Variants in SEMA5B observed in about 807,000 individuals in gnomAD.
The protein encoded by SEMA5B is semaphorin-5B.
A neutral mutation model predicts 135.0 loss-of-function variants in SEMA5B; 66 were observed. The observed-to-expected ratio is 0.49, with a 90% CI of 0.40 to 0.60. The LOEUF (loss-of-function observed/expected upper bound fraction) is 0.60. SEMA5B is among the 20% of genes least tolerant of loss of function. SEMA5B has a pLI of 0.00. For missense variants in SEMA5B, 1,501 were observed against 1,566.3 expected, an observed-to-expected ratio of 0.96 and a Z score of 0.70; for synonymous variants, 690 against 639.5, an observed-to-expected ratio of 1.08 and a Z score of -1.19.
intron 1 of SEMA5B, among the ~76,000 whole-genome samples, chr3:122,965,270 G>C (rs1473149348): frequency 6.6e-6 from 1 of 152,150 alleles, no homozygotes; most frequent in Non-Finnish European, 1.5e-5. Context: ...CATTGTCTTC[G>C]ATAATAAACT....
intron 1 of SEMA5B, among the ~76,000 whole-genome samples, chr3:123,018,735 T>C (rs1942614232): frequency 6.6e-6 from 1 of 152,200 alleles, no homozygotes; most frequent in African/African-American, 2.4e-5. Context: ...TTAAACAGTA[T>C]CTGATTTCCA....
At chr3:122,917,502 AG>A (rs1248912629) in intron 12 of SEMA5B, among the ~76,000 whole-genome samples, 5 of 152,166 alleles carry the variant, frequency 3.3e-5, no homozygotes, top group African/African-American at 1.2e-4. Flanking sequence ...CTTCAGGGAG[AG>A]TAACCTGTCA....
At chr3:122,980,771 C>A (rs1941499466) in intron 1 of SEMA5B, among the ~76,000 whole-genome samples, 1 of 152,194 alleles carries the variant, frequency 6.6e-6, no homozygotes, top group Non-Finnish European at 1.5e-5. Context: ...CTAGCACCTA[C>A]TCATTTTTCC....
intron 1 of SEMA5B, among the ~76,000 whole-genome samples, chr3:122,979,963 T>G (rs1404100830): frequency 6.6e-6 from 1 of 152,250 alleles, no homozygotes; most frequent in African/African-American, 2.4e-5. Flanking sequence ...CTACACTTAT[T>G]TGGGCCATAC....
At chr3:122,943,594 C>A in intron 3 of SEMA5B, 59 bp from the exon 4 acceptor site, 2 of 1,251,306 alleles carry the variant, frequency 1.6e-6, no homozygotes, top group Non-Finnish European at 1.2e-6. Context: ...CCAGCTGCAT[C>A]GCAGCAGACC....
At chr3:122,967,196 T>C (rs1940892705) in intron 1 of SEMA5B, among the ~76,000 whole-genome samples, 1 of 152,144 alleles carries the variant, frequency 6.6e-6, no homozygotes, top group Non-Finnish European at 1.5e-5. Flanking sequence ...TAAGAATGTT[T>C]ATTATAATAA....
chr3:123,025,426 G>A (rs1942775972), intron 1 of SEMA5B, among the ~76,000 whole-genome samples: 1 of 152,098 alleles, frequency 6.6e-6, no homozygotes, highest in Non-Finnish European at 1.5e-5. Context: ...AACCTCTCTG[G>A]GCATGGGCTC....
At chr3:122,964,129 T>C (rs1285530436) in intron 1 of SEMA5B, among the ~76,000 whole-genome samples, 1 of 152,228 alleles carries the variant, frequency 6.6e-6, no homozygotes, top group Non-Finnish European at 1.5e-5. Flanking sequence ...TCCCTTAACC[T>C]GCTCCTCCCA....
intron 5 of SEMA5B, among the ~76,000 whole-genome samples, chr3:122,937,357 G>A (rs919300251): frequency 2.0e-5 from 3 of 152,218 alleles, no homozygotes; most frequent in African/African-American, 7.2e-5. Flanking sequence ...ACAGACAGGA[G>A]GACCGGGCAC....
Position 122,913,243 on chromosome 3 carries a change from G to A in SEMA5B, c.2462C>T (p.Thr821Met). The change falls in exon 17 of 23, where the codon ACG (threonine) becomes ATG (methionine). Residue 821 changes from threonine (T) to methionine (M), a missense_variant. Around this residue, in one of 2 missense-constraint regions of SEMA5B, gnomAD observed 927 missense variants for 881.6 expected, o/e 1.05. Transcript: ENST00000357599. Reference sequence around the variant, plus strand: ...GGAGCCGTCCGCGGGACAGGTCCTCGTCTCGGTCCTTCTCCTGCCGAACTG... The same window carrying A: ...GGAGCCGTCCGCGGGACAGGTCCTCATCTCGGTCCTTCTCCTGCCGAACTG... ...GLQFGRRRTE[T>M]RTCPADGSGS... is the part of the protein sequence containing the mutation. 6.3e-7 allele frequency: 1 copy of A among 1,586,272 alleles called. No individual in the cohort carries two copies. Among genetic ancestry groups the A allele is most frequent in the Non-Finnish European group, 8.5e-7 (1 of 1,174,968 alleles).
At chr3:122,952,840 T>A (rs968978245) in intron 2 of SEMA5B, among the ~76,000 whole-genome samples, 10 of 152,106 alleles carry the variant, frequency 6.6e-5, no homozygotes, top group Non-Finnish European at 1.5e-4. Context: ...CACAGCTGCA[T>A]CCCTCAACAG....
Position 122,915,876 on chromosome 3 carries a change from G to A in SEMA5B, c.1703C>T (p.Ala568Val), listed in dbSNP as rs774975240. ...AYRSQGACLG[A>V]RDPYCGWDGK... ...GTCCCAGCCACAGTACGGGTCCCGG[G>A]CCCCCAGGCATGCCCTGCCAGACAG... is the stretch of plus-strand genomic sequence containing the variant. The change falls in exon 13 of 23, where the codon GCC (alanine) becomes GTC (valine). Residue 568 changes from alanine (A) to valine (V), a missense_variant. By Grantham distance (64) the Ala-to-Val change is moderately conservative. Coordinates refer to ENST00000357599, the MANE Select transcript of SEMA5B (RefSeq NM_001031702.4). The A allele has an allele frequency of 1.2e-6, 2 of 1,613,920 alleles. No homozygotes were observed. Among genetic ancestry groups the A allele is most frequent in the South Asian group, 1.1e-5 (1 of 91,074 alleles).
At chr3:122,951,552 T>C (rs1278651800) in intron 2 of SEMA5B, among the ~76,000 whole-genome samples, 1 of 152,224 alleles carries the variant, frequency 6.6e-6, no homozygotes, top group African/African-American at 2.4e-5. Flanking sequence ...TTCGCTAGTC[T>C]GTCTAACATG....
chr3:122,965,312 C>T (rs148061831), intron 1 of SEMA5B, among the ~76,000 whole-genome samples: 102 of 152,336 alleles, frequency 6.7e-4, no homozygotes, highest in Middle Eastern at 3.4e-3. Context: ...ATGTTCCCAG[C>T]CTCAGGTGAG....
At chr3:122,946,912 T>C (rs989434699) in intron 3 of SEMA5B, among the ~76,000 whole-genome samples, 1 of 152,116 alleles carries the variant, frequency 6.6e-6, no homozygotes, top group Admixed American at 6.5e-5. Context: ...AAAAATGGTC[T>C]CAAGGAACCC....
At chr3:123,023,658 T>C (rs1179152477) in intron 1 of SEMA5B, among the ~76,000 whole-genome samples, 1 of 152,132 alleles carries the variant, frequency 6.6e-6, no homozygotes, top group Non-Finnish European at 1.5e-5. Flanking sequence ...AACCCTGGAC[T>C]CCAAGTCCTT....
Position 122,961,123 on chromosome 3 carries a change from C to G in SEMA5B, c.124+17G>C, listed in dbSNP as rs368407784. On this transcript the variant is annotated intron_variant, in intron 2 of 22. Transcript: ENST00000357599. ...GGTACCTGCTGCAGCCCCCCACACTCCCCTGGGCACACTTACCCCTGACCA... is the reference window on the plus strand; with the variant it reads ...GGTACCTGCTGCAGCCCCCCACACTGCCCTGGGCACACTTACCCCTGACCA... The G allele has an allele frequency of 2.9e-4, 469 of 1,598,892 alleles. No homozygotes were observed. The highest frequency in any genetic ancestry group is 3.8e-4 in the Non-Finnish European group (443 of 1,170,844).
Position 123,020,931 on chromosome 3 carries a change from C to G in SEMA5B, c.-39+6533G>C, listed in dbSNP as rs113464662. Among the ~76,000 whole-genome samples, 395 of 152,342 alleles carry G rather than the reference C, an allele frequency of 2.6e-3. 4 individuals are homozygous for G. Among genetic ancestry groups the G allele is most frequent in the African/African-American group, 9.0e-3 (375 of 41,568 alleles). On this transcript the variant is annotated intron_variant, in intron 1 of 22. Coordinates refer to ENST00000357599, the MANE Select transcript of SEMA5B (RefSeq NM_001031702.4). ...CAGCAGGAAAGTGAGGAAAGTCTCA[C>G]TCTGGAACCTGGAGAGCTGTTGAAA... is the stretch of plus-strand genomic sequence containing the variant.
chr3:122,955,413 A>C (rs1411813849), intron 2 of SEMA5B, among the ~76,000 whole-genome samples: 1 of 152,262 alleles, frequency 6.6e-6, no homozygotes. Flanking sequence ...CGAATAATAC[A>C]GTCTCAACTA....
Sources: gnomAD v4.1 joint callset for allele counts (sites outside exome capture counted in the v4.1 genomes callset) on GRCh38, gnomAD v4.1.1 for gene constraint, gnomAD v4.1.1 regional missense constraint, MANE v1.5 for transcripts, NCBI Gene and HGNC (gene_info 2026-07-23, HGNC 2026-07-21) for gene names.